The following PALS2 variants were observed in gnomAD, a reference collection of about 807,000 sequenced individuals.
PALS2 encodes the protein protein associated with LIN7 2, MAGUK p55 family member, also known as protein PALS2.
Under a neutral mutation model 61.6 loss-of-function variants are expected in PALS2, and 27 were observed. That is an observed-to-expected ratio of 0.44 (90% confidence interval 0.32 to 0.60). The LOEUF is 0.60. PALS2 is among the 20% of genes least tolerant of loss of function. The pLI is 0.05. For synonymous variants in PALS2, 236 were observed against 218.6 expected, an observed-to-expected ratio of 1.08 and a Z score of -0.70; for missense variants, 554 against 639.4, an observed-to-expected ratio of 0.87 and a Z score of 1.44.
chr7:24,575,485 T>C (rs1782609671), intron 1 of PALS2, among the ~76,000 whole-genome samples: 1 of 152,160 alleles, frequency 6.6e-6, no homozygotes, highest in African/African-American at 2.4e-5. Flanking sequence ...TCTCTCTTTC[T>C]CTCCCCACTC....
intron 1 of PALS2, among the ~76,000 whole-genome samples, chr7:24,588,663 C>G (rs1200451379): frequency 2.0e-5 from 3 of 152,092 alleles, no homozygotes; most frequent in African/African-American, 7.2e-5. Context: ...TTTATTCTTG[C>G]TTACAGATAA....
chr7:24,683,893 T>C (rs962649831), intron 11 of PALS2, among the ~76,000 whole-genome samples: 1 of 152,254 alleles, frequency 6.6e-6, no homozygotes. Context: ...CTTTCTCTTA[T>C]GCTGAATATC....
Position 24,650,464 on chromosome 7 carries a change from T to C in PALS2, c.424-21T>C, listed in dbSNP as rs768385654. The stretch of plus-strand genomic sequence containing the variant: ...TTTCTCCCTAATAATTAATGAGAAA[T>C]CTGTTTCTTATTTTTCATAGGGTGT... On this transcript the variant is annotated intron_variant, in intron 4 of 11. Transcript: ENST00000222644. 2.6e-6 allele frequency: 4 copies of C among 1,522,698 alleles called. No individual in the cohort carries two copies. The African/African-American group carries it at 5.6e-5, about 21-fold the overall frequency. 94.3% of individuals were successfully genotyped at this position (1,522,698 alleles called of 1,614,324 possible).
chr7:24,614,910 C>T (rs372882899), intron 1 of PALS2, among the ~76,000 whole-genome samples: 1 of 151,826 alleles, frequency 6.6e-6, no homozygotes, highest in Non-Finnish European at 1.5e-5. Flanking sequence ...GCATACAAGT[C>T]ACAAAAATTT....
At chr7:24,578,908 AAAG>A (rs1245462694) in intron 1 of PALS2, among the ~76,000 whole-genome samples, 1 of 152,242 alleles carries the variant, frequency 6.6e-6, no homozygotes, top group Non-Finnish European at 1.5e-5. Context: ...GAGATATAGA[AAAG>A]AAATGTGATA....
chr7:24,630,597 G>T (rs1332023654), intron 2 of PALS2, among the ~76,000 whole-genome samples: 1 of 152,232 alleles, frequency 6.6e-6, no homozygotes, highest in Non-Finnish European at 1.5e-5. Context: ...AGACACAGCA[G>T]CTTTGTTTTG....
chr7:24,638,282 C>A (rs1012816471), intron 2 of PALS2, among the ~76,000 whole-genome samples: 16 of 139,796 alleles, frequency 1.1e-4, no homozygotes, highest in Non-Finnish European at 2.3e-4. Flanking sequence ...GCTACAGTTT[C>A]TAAAAAAACC....
At position 24,665,987 on chromosome 7, in the gene PALS2, C is replaced by G. The variant is rs949131130; in HGVS notation, c.884-34C>G. The G allele has an allele frequency of 1.0e-5, 16 of 1,563,518 alleles. No individual in the cohort carries two copies. In the Admixed American group the frequency reaches 1.4e-4, roughly 14 times the overall value. On this transcript the variant is annotated intron_variant, in intron 7 of 11. Coordinates refer to ENST00000222644, the MANE Select transcript of PALS2 (RefSeq NM_001303037.2). ...GGCAATTTTTTCATATTCTGATATA[C>G]TGCTTAAGTTATATTTGTTTTATCA...
chr7:24,668,651 A>G lies in PALS2; in HGVS notation c.1105A>G (p.Thr369Ala), dbSNP rs1787152067. 1 of 1,613,854 alleles carries G rather than the reference A, an allele frequency of 6.2e-7. No individual in the cohort carries two copies. The highest frequency in any genetic ancestry group is 8.5e-7 in the Non-Finnish European group (1 of 1,179,868). The stretch of plus-strand genomic sequence containing the variant: ...ATTGAATCCCACTAGATTTGGAACT[A>G]CGGTGCCATGTAAGTTTTCTGTGTT... ...IVLNPTRFGTTVPFTSRKPRE... is the reference protein window; with the variant it reads ...IVLNPTRFGTAVPFTSRKPRE... Residue 369 changes from threonine (T) to alanine (A), a missense_variant, in exon 9 of 12, where the codon ACG (threonine) becomes GCG (alanine). Coordinates refer to ENST00000222644, the MANE Select transcript of PALS2 (RefSeq NM_001303037.2).
At chr7:24,628,736 C>T (rs1784859223) in intron 2 of PALS2, among the ~76,000 whole-genome samples, 1 of 152,086 alleles carries the variant, frequency 6.6e-6, no homozygotes, top group Non-Finnish European at 1.5e-5. Flanking sequence ...AGTAAACTTC[C>T]ATTCACAATT....
In PALS2 at chr7:24,618,521, G is replaced by T. The variant is rs562353398; in HGVS notation, c.-2-5145G>T. Among the ~76,000 whole-genome samples the T allele has an allele frequency of 5.3e-5, 8 of 152,236 alleles. No homozygotes were observed. ...TCACAAGGGAGTAAGTGCAGATCTTGTGCTCCCAGTCTGGGGGAATACAGC... is the reference window on the plus strand; with the variant it reads ...TCACAAGGGAGTAAGTGCAGATCTTTTGCTCCCAGTCTGGGGGAATACAGC... On this transcript the variant is annotated intron_variant, in intron 1 of 11. Coordinates refer to ENST00000222644, the MANE Select transcript of PALS2 (RefSeq NM_001303037.2). This position sits in a 1 kb window ranked among gnomAD's most constrained non-coding sequence, Gnocchi z 5.1.
At position 24,666,030 on chromosome 7, in the gene PALS2, G is replaced by T. The variant is rs905995637; in HGVS notation, c.893G>T (p.Cys298Phe). The change falls in exon 8 of 12, where the codon TGT becomes TTT. Residue 298 changes from cysteine to phenylalanine, a missense_variant. By Grantham distance (205) the Cys-to-Phe change is radical. Transcript: ENST00000222644. ...TTTTATCATCCTTCAGGACCTTTTT[G>T]TGGAACTATAAGTAGCAAAAAAAAG... ...RRDWDNSGPF[C>F]GTISSKKKKK... The T allele has an allele frequency of 6.2e-7, 1 of 1,609,272 alleles. No homozygotes were observed. The highest frequency in any genetic ancestry group is 8.5e-7 in the Non-Finnish European group (1 of 1,176,912).
At chr7:24,662,282 TATA>T (rs1167163403) in intron 5 of PALS2, among the ~76,000 whole-genome samples, 1 of 152,216 alleles carries the variant, frequency 6.6e-6, no homozygotes, top group Non-Finnish European at 1.5e-5. Context: ...ACACTAATAA[TATA>T]ATATGTCTAC....
At chr7:24,603,966 A>G (rs1416394985) in intron 1 of PALS2, among the ~76,000 whole-genome samples, 2 of 152,214 alleles carry the variant, frequency 1.3e-5, no homozygotes, top group East Asian at 1.9e-4. Flanking sequence ...CGGGAAAAAT[A>G]GTCAATAAAA....
At chr7:24,588,311 G>T (rs915788583) in intron 1 of PALS2, among the ~76,000 whole-genome samples, 9 of 151,986 alleles carry the variant, frequency 5.9e-5, no homozygotes, top group African/African-American at 2.2e-4. Context: ...TTATCTTAAG[G>T]GTATATCTTA....
chr7:24,662,768 G>GAAAAAAAAAAAAAAAAAAAAA (rs59367702), intron 5 of PALS2, among the ~76,000 whole-genome samples: 1 of 102,646 alleles, frequency 9.7e-6, no homozygotes. Context: ...GACTCCATCT[G>GAAAAAAAAAAAAAAAAAAAAA]AAAAAAAAAA....
intron 10 of PALS2, among the ~76,000 whole-genome samples, chr7:24,679,999 G>A (rs1255213973): frequency 6.6e-6 from 1 of 152,076 alleles, no homozygotes; most frequent in African/African-American, 2.4e-5. Flanking sequence ...GGTAGTTACT[G>A]TAGAGCTTTT....
At chr7:24,630,405 G>T (rs989588408) in intron 2 of PALS2, among the ~76,000 whole-genome samples, 11 of 152,068 alleles carry the variant, frequency 7.2e-5, no homozygotes, top group Non-Finnish European at 1.0e-4. Context: ...GATGGGTGCA[G>T]CAAACCACCA....
At chr7:24,576,902 A>G (rs13231413) in intron 1 of PALS2, among the ~76,000 whole-genome samples, 23,907 of 152,160 alleles carry the variant, frequency 0.16, 2,356 homozygotes, top group East Asian at 0.47. Flanking sequence ...ATAAGATTAA[A>G]GCCCACAACT....
Sources: allele counts gnomAD v4.1 joint callset (sites outside exome capture counted in the v4.1 genomes callset), GRCh38; gene constraint gnomAD v4.1.1; non-coding constraint Gnocchi (gnomAD v3.1); transcripts MANE v1.5; gene names NCBI Gene and HGNC (gene_info 2026-07-23, HGNC 2026-07-21).